ARK2N: variants seen among roughly 807,000 people sequenced by gnomAD.
The protein encoded by ARK2N is arkadia (RNF111) N-terminal like PKA signaling regulator 2N.
the ARK2N span, among the ~76,000 whole-genome samples, chr18:46,200,694 T>C: frequency 6.6e-6 from 1 of 152,224 alleles, no homozygotes; most frequent in African/African-American, 2.4e-5. Flanking sequence ...TGGCTTCTTA[T>C]TCATTTCTAC....
At chr18:46,215,544 T>C in the ARK2N span, among the ~76,000 whole-genome samples, 1 of 152,176 alleles carries the variant, frequency 6.6e-6, no homozygotes, top group African/African-American at 2.4e-5. Context: ...TAAATAAAAT[T>C]GTAAACTTGA....
the ARK2N span, chr18:46,239,898 T>C: frequency 1.0e-6 from 1 of 996,018 alleles, no homozygotes; most frequent in Non-Finnish European, 1.5e-6. Context: ...GCTTTTCTGA[T>C]GAGATAGAAT....
the ARK2N span, among the ~76,000 whole-genome samples, chr18:46,185,081 C>T: frequency 2.0e-5 from 3 of 152,180 alleles, no homozygotes; most frequent in African/African-American, 7.2e-5. Context: ...AATGTATTTT[C>T]ATATACAAAT....
the ARK2N span, among the ~76,000 whole-genome samples, chr18:46,261,902 T>G: frequency 2.0e-5 from 3 of 152,302 alleles, no homozygotes; most frequent in Non-Finnish European, 4.4e-5. Context: ...TAATGTTCTT[T>G]TGAATCTGGT....
chr18:46,232,112 A>G, the ARK2N span: 2 of 152,190 alleles, frequency 1.3e-5, no homozygotes, highest in Admixed American at 1.3e-4. Flanking sequence ...GAAAGAAACA[A>G]TATAGTGAAT....
chr18:46,244,601 AT>A, the ARK2N span, among the ~76,000 whole-genome samples: 161 of 93,854 alleles, frequency 1.7e-3, 1 homozygote, highest in East Asian at 4.3e-3. Context: ...AAGAGTTTAG[AT>A]TTTTTTTTTT....
At chr18:46,265,949 A>G in the ARK2N span, 67 of 152,620 alleles carry the variant, frequency 4.4e-4, no homozygotes, top group African/African-American at 1.6e-3. Flanking sequence ...CCAATTTGTG[A>G]AAAACAGAGC....
the ARK2N span, among the ~76,000 whole-genome samples, chr18:46,246,644 G>GATAAGAGCAGACCTCAGGCCAGGGCCT: frequency 2.0e-5 from 3 of 151,260 alleles, no homozygotes; most frequent in Non-Finnish European, 4.4e-5. Context: ...AAGCATTACA[G>GATAAGAGCAGACCTCAGGCCAGGGCCT]ATAAGAGCAG....
At chr18:46,180,088 T>A in the ARK2N span, among the ~76,000 whole-genome samples, 1 of 152,244 alleles carries the variant, frequency 6.6e-6, no homozygotes, top group South Asian at 2.1e-4. Context: ...GTTGTTTGAT[T>A]AGTTGTTAGG....
chr18:46,222,204 C>T, the ARK2N span, among the ~76,000 whole-genome samples: 3 of 152,142 alleles, frequency 2.0e-5, no homozygotes, highest in Admixed American at 6.5e-5. Flanking sequence ...GGCTCAGAAC[C>T]GCTCAGTTAA....
chr18:46,258,052 A>T, the ARK2N span, among the ~76,000 whole-genome samples: 2 of 151,586 alleles, frequency 1.3e-5, no homozygotes, highest in African/African-American at 2.4e-5. Context: ...TCAGCCTCCC[A>T]AGTAGCTGGG....
chr18:46,193,382 A>T, the ARK2N span, among the ~76,000 whole-genome samples: 183 of 150,558 alleles, frequency 1.2e-3, 2 homozygotes, highest in African/African-American at 4.0e-3. Context: ...CTCCACCTCC[A>T]GGGTTCAAGT....
the ARK2N span, among the ~76,000 whole-genome samples, chr18:46,246,391 G>A: frequency 3.3e-5 from 5 of 152,294 alleles, no homozygotes; most frequent in Admixed American, 6.5e-5. Context: ...AATAGAAGAA[G>A]GAAGAGGCAG....
chr18:46,219,436 GTTATC>G, the ARK2N span, among the ~76,000 whole-genome samples: 2 of 151,086 alleles, frequency 1.3e-5, no homozygotes, highest in African/African-American at 4.9e-5. Context: ...CTATGTGATG[GTTATC>G]TTGAGTATCA....
At chr18:46,258,484 C>G in the ARK2N span, among the ~76,000 whole-genome samples, 3 of 152,058 alleles carry the variant, frequency 2.0e-5, no homozygotes, top group Non-Finnish European at 4.4e-5. Flanking sequence ...CACTGTGCAG[C>G]CTTTCTATTG....
the ARK2N span, chr18:46,215,822 G>C: frequency 1.3e-6 from 2 of 1,509,134 alleles, no homozygotes; most frequent in African/African-American, 2.8e-5. Flanking sequence ...TTGCTTTCCT[G>C]TTGCATCTTT....
At chr18:46,242,076 T>C in the ARK2N span, among the ~76,000 whole-genome samples, 1,555 of 152,298 alleles carry the variant, frequency 0.01, 15 homozygotes, top group Middle Eastern at 0.017. Flanking sequence ...CCCAAAGTGC[T>C]GGGATTACAG....
At chr18:46,225,982 G>A in the ARK2N span, among the ~76,000 whole-genome samples, 2 of 152,156 alleles carry the variant, frequency 1.3e-5, no homozygotes, top group African/African-American at 2.4e-5. Context: ...AACCCAAATA[G>A]GTAGATGGTT....
chr18:46,241,686 C>G, the ARK2N span, among the ~76,000 whole-genome samples: 2 of 151,936 alleles, frequency 1.3e-5, no homozygotes, highest in African/African-American at 4.8e-5. Context: ...GATTGTGCCA[C>G]TGCACTCCAG....
Sources: gnomAD v4.1 joint callset for allele counts (sites outside exome capture counted in the v4.1 genomes callset) on GRCh38, gnomAD v4.1.1 for gene constraint, MANE v1.5 for transcripts, NCBI Gene and HGNC (gene_info 2026-07-23, HGNC 2026-07-21) for gene names.